Variants in MOCS2 observed in about 807,000 individuals in gnomAD.
MOCS2 encodes molybdenum cofactor synthesis 2.
A neutral mutation model predicts 21.9 loss-of-function variants in MOCS2; 13 were observed. The ratio of observed to expected loss-of-function variants is 0.59; its 90% CI spans 0.39 to 0.94. MOCS2 has a LOEUF of 0.94. Ranked by LOEUF, MOCS2 falls within the 40% of genes least tolerant of loss-of-function variation. The pLI is 0.00. For synonymous variants in MOCS2, 92 were observed against 80.8 expected, an observed-to-expected ratio of 1.14 and a Z score of -0.74; for missense variants, 227 against 218.3, an observed-to-expected ratio of 1.04 and a Z score of -0.25.
intron 5 of MOCS2, 45 bp from the exon 6 acceptor site, chr5:53,100,579 T>A: frequency 6.2e-7 from 1 of 1,606,770 alleles, no homozygotes; most frequent in South Asian, 1.1e-5. Context: ...CATCTCTGAA[T>A]CTACGTGTTA....
chr5:53,100,534 G>A lies in MOCS2; in HGVS notation c.378C>T (p.Gly126=). Residue 126 remains glycine, a splice_region_variant and synonymous_variant, in exon 6 of 7, where the codon GGC becomes GGT. Transcript: ENST00000396954. ...TGCTTGCTTCTGACACTGGAACCAA[G>A]CTTTAACAAGATGAAGAGAAAAAAA... is the stretch of plus-strand genomic sequence containing the variant. ...VKHIAVFHRL[G]LVPVSEASII... 3.7e-6 allele frequency: 6 copies of A among 1,613,410 alleles called. No homozygotes were observed. The highest frequency in any genetic ancestry group is 5.1e-6 in the Non-Finnish European group (6 of 1,179,648).
At chr5:53,103,961 C>T (rs1353094053) in intron 3 of MOCS2, among the ~76,000 whole-genome samples, 1 of 152,152 alleles carries the variant, frequency 6.6e-6, no homozygotes, top group Non-Finnish European at 1.5e-5. Flanking sequence ...GAGAACTGGG[C>T]AGGCTGAGGC....
At chr5:53,100,060 C>A (rs1463047333) in intron 6 of MOCS2, among the ~76,000 whole-genome samples, 3 of 152,036 alleles carry the variant, frequency 2.0e-5, no homozygotes, top group Non-Finnish European at 4.4e-5. Context: ...TAAAGAATTT[C>A]TATTTTAGCC....
At chr5:53,101,198 C>T in intron 5 of MOCS2, 161 bp downstream of exon 5, 4 of 773,292 alleles carry the variant, frequency 5.2e-6, no homozygotes, top group Admixed American at 2.1e-5. Flanking sequence ...CTAGGCAGTC[C>T]CTAAAGGTAC....
chr5:53,099,251 C>G (rs1391758339), intron 6 of MOCS2, among the ~76,000 whole-genome samples: 1 of 152,160 alleles, frequency 6.6e-6, no homozygotes, highest in East Asian at 1.9e-4. Flanking sequence ...AAGCAAAATA[C>G]GAAGCCCAAC....
chr5:53,096,020 TA>T lies in MOCS2; in HGVS notation c.*2581del, dbSNP rs1386610977. 6.6e-5 allele frequency: 10 copies of T among 152,202 alleles called. No individual in the cohort carries two copies. Among genetic ancestry groups the T allele is most frequent in the African/African-American group, 2.4e-4 (10 of 41,456 alleles). 9.4% of individuals were successfully genotyped at this position (152,202 alleles called of 1,614,324 possible). A position where few individuals can be genotyped will look rare whatever the true frequency, so the allele number is the denominator to read the frequency against. On this transcript the variant is annotated 3_prime_UTR_variant, in exon 7 of 7. Coordinates refer to ENST00000396954, the MANE Select transcript of MOCS2 (RefSeq NM_004531.5). ...GCCTGACTTTAAAGAAAATGGCTAC[TA>T]AACTGAACTTTTGGTTCTATGCAAA...
chr5:53,104,539 G>T (rs1299723046), intron 3 of MOCS2, among the ~76,000 whole-genome samples: 2 of 152,134 alleles, frequency 1.3e-5, no homozygotes, highest in Non-Finnish European at 2.9e-5. Context: ...TGAAATCATG[G>T]TGGTGATATG....
chr5:53,103,172 A>T (rs1740963557), intron 3 of MOCS2, among the ~76,000 whole-genome samples: 1 of 152,118 alleles, frequency 6.6e-6, no homozygotes, highest in South Asian at 2.1e-4. Flanking sequence ...AATTAACAAA[A>T]CTCAATTATG....
At chr5:53,106,137 T>C (rs1320791042) in intron 3 of MOCS2, among the ~76,000 whole-genome samples, 6 of 152,152 alleles carry the variant, frequency 3.9e-5, no homozygotes, top group Non-Finnish European at 8.8e-5. Flanking sequence ...AGTTCAATCA[T>C]TGTGGAAGAC....
intron 6 of MOCS2, among the ~76,000 whole-genome samples, chr5:53,099,104 T>C (rs1054838517): frequency 2.0e-5 from 3 of 152,148 alleles, no homozygotes; most frequent in Non-Finnish European, 4.4e-5. Flanking sequence ...ACATAGTTTG[T>C]GGAAAGGAGG....
At chr5:53,104,672 T>C (rs565960724) in intron 3 of MOCS2, among the ~76,000 whole-genome samples, 17 of 152,296 alleles carry the variant, frequency 1.1e-4, no homozygotes, top group African/African-American at 3.6e-4. Flanking sequence ...GTTTTACAGA[T>C]TGATTCTTCA....
chr5:53,109,733 G>T lies in MOCS2; in HGVS notation c.-652C>A, dbSNP rs767896696. On this transcript the variant is annotated 5_prime_UTR_variant, in exon 1 of 7. Transcript: ENST00000396954. Reference sequence around the variant, plus strand: ...TTACCTGGCACAGCGGCACCATCCCGCCTAGGACAGCGGGACCGAATCACG... The same window carrying T: ...TTACCTGGCACAGCGGCACCATCCCTCCTAGGACAGCGGGACCGAATCACG... 3.9e-6 allele frequency: 6 copies of T among 1,550,232 alleles called. No homozygotes were observed. The highest frequency in any genetic ancestry group is 5.2e-6 in the Non-Finnish European group (6 of 1,147,044).
intron 6 of MOCS2, 97 bp downstream of exon 6, chr5:53,100,314 C>T (rs1740871868): frequency 3.8e-6 from 5 of 1,330,642 alleles, no homozygotes; most frequent in Non-Finnish European, 5.4e-6. Context: ...CAAGATACTA[C>T]AGTCAGTAAA....
At position 53,097,726 on chromosome 5, in the gene MOCS2, A is replaced by G. The variant is rs1041159861; in HGVS notation, c.*876T>C. 1 of 152,224 alleles carries G rather than the reference A, an allele frequency of 6.6e-6. No homozygotes were observed. Among genetic ancestry groups the G allele is most frequent in the African/African-American group, 2.4e-5 (1 of 41,456 alleles). 9.4% of individuals were successfully genotyped at this position (152,224 alleles called of 1,614,324 possible). On this transcript the variant is annotated 3_prime_UTR_variant, in exon 7 of 7. Transcript: ENST00000396954. ...ATATGTGTATCAAAAATCACATTGT[A>G]TACTTTAAATACATACAATTTTTGT...
chr5:53,107,049 C>T, intron 3 of MOCS2, 28 bp downstream of exon 3: 1 of 1,613,448 alleles, frequency 6.2e-7, no homozygotes, highest in Non-Finnish European at 8.5e-7. Flanking sequence ...CCCCACACGA[C>T]TGATTAAGAA....
At position 53,098,382 on chromosome 5, in the gene MOCS2, C is replaced by T. The variant is rs1434853927; in HGVS notation, c.*220G>A. On this transcript the variant is annotated 3_prime_UTR_variant, in exon 7 of 7. Coordinates refer to ENST00000396954, the MANE Select transcript of MOCS2 (RefSeq NM_004531.5). ...ATCTTTCCTCACATTTAAATTATTC[C>T]ATTTCTTCCTACAGTCCTCCTTCTA... 3 of 572,926 alleles carry T rather than the reference C, an allele frequency of 5.2e-6. No individual in the cohort carries two copies. The highest frequency in any genetic ancestry group is 5.8e-5 in the East Asian group (2 of 34,342). 35.5% of individuals were successfully genotyped at this position (572,926 alleles called of 1,614,324 possible).
At chr5:53,104,127 A>G (rs1345363995) in intron 3 of MOCS2, among the ~76,000 whole-genome samples, 1 of 152,220 alleles carries the variant, frequency 6.6e-6, no homozygotes, top group Non-Finnish European at 1.5e-5. Flanking sequence ...TAGTTAAGCC[A>G]ATGTTCTTTT....
Position 53,109,501 on chromosome 5 carries a change from G to C in MOCS2, c.-420C>G, listed in dbSNP as rs1741145311. The C allele has an allele frequency of 4.5e-6, 6 of 1,346,800 alleles. No homozygotes were observed. The African/African-American group carries it at 4.6e-5, about 10-fold the overall frequency. The allele number at this position is 1,346,800 out of a possible 1,614,324, so 83.4% of individuals were successfully genotyped here. ...TGACAAGAGTTCTCGGAGAGGACCC[G>C]ACTTCTGCTGGGGCAGTCGCAGTAA... On this transcript the variant is annotated 5_prime_UTR_variant, in exon 1 of 7. Coordinates refer to ENST00000396954, the MANE Select transcript of MOCS2 (RefSeq NM_004531.5).
intron 3 of MOCS2, among the ~76,000 whole-genome samples, chr5:53,106,530 A>G (rs1267637851): frequency 6.6e-6 from 1 of 152,172 alleles, no homozygotes; most frequent in African/African-American, 2.4e-5. Context: ...AGGAAACCAT[A>G]GACACTGGAG....
Sources: gnomAD v4.1 joint callset for allele counts (sites outside exome capture counted in the v4.1 genomes callset) on GRCh38, gnomAD v4.1.1 for gene constraint, MANE v1.5 for transcripts, NCBI Gene and HGNC (gene_info 2026-07-23, HGNC 2026-07-21) for gene names.